Variants in SLC6A15 observed in about 807,000 individuals in gnomAD.
SLC6A15 encodes sodium-dependent neutral amino acid transporter B(0)AT2.
Under a neutral mutation model 68.5 loss-of-function variants are expected in SLC6A15, and 33 were observed. The observed-to-expected ratio is 0.48, with a 90% CI of 0.37 to 0.64. SLC6A15 has a LOEUF of 0.64. SLC6A15 is among the 30% of genes least tolerant of loss of function. The pLI, the probability that SLC6A15 is intolerant of heterozygous loss-of-function variation, is 0.00. For synonymous variants in SLC6A15, 347 were observed against 301.0 expected (o/e 1.15, Z -1.58); for missense variants, 747 against 874.3 (o/e 0.85, Z 1.84).
chr12:84,876,926 C>T (rs1171851844), intron 5 of SLC6A15, among the ~76,000 whole-genome samples: 1 of 152,132 alleles, frequency 6.6e-6, no homozygotes, highest in Non-Finnish European at 1.5e-5. Context: ...TGAACAGGCA[C>T]TAACTACCTA....
intron 8 of SLC6A15, among the ~76,000 whole-genome samples, chr12:84,871,571 T>C (rs956179935): frequency 2.6e-5 from 4 of 151,874 alleles, no homozygotes; most frequent in South Asian, 2.1e-4. Context: ...TAAAGACAGA[T>C]GAGAATTAAA....
intron 1 of SLC6A15, among the ~76,000 whole-genome samples, chr12:84,909,561 T>C (rs999541491): frequency 2.0e-5 from 3 of 152,206 alleles, no homozygotes; most frequent in Non-Finnish European, 2.9e-5. Context: ...CTATGTAACC[T>C]TGAATGTTGT....
intron 5 of SLC6A15, among the ~76,000 whole-genome samples, chr12:84,877,575 C>A (rs1382471472): frequency 6.6e-6 from 1 of 152,152 alleles, no homozygotes; most frequent in Admixed American, 6.5e-5. Flanking sequence ...CCAAGCTCAG[C>A]CAGCCTTAAG....
At chr12:84,880,830 C>A (rs541746863) in intron 5 of SLC6A15, 2 of 823,142 alleles carry the variant, frequency 2.4e-6, no homozygotes, top group South Asian at 5.6e-5. Context: ...TTTAAAAAAT[C>A]GAAAACAAAA....
At position 84,863,510 on chromosome 12, in the gene SLC6A15, A is replaced by T. The variant is rs1363481463; in HGVS notation, c.1747T>A (p.Ser583Thr). ...WKYISPLMLL[S>T]LLIASVVNMG... The stretch of plus-strand genomic sequence containing the variant: ...TTCACAACACTAGCTATTAGCAATG[A>T]TAATAGCATTAGAGGAGAAATATAT... The change falls in exon 11 of 12, where the codon TCA becomes ACA. Residue 583 changes from serine to threonine, a missense_variant. Coordinates refer to ENST00000266682, the MANE Select transcript of SLC6A15 (RefSeq NM_182767.6). 6.3e-7 allele frequency: 1 copy of T among 1,588,166 alleles called. No individual in the cohort carries two copies. Among genetic ancestry groups the T allele is most frequent in the Admixed American group, 1.8e-5 (1 of 56,248 alleles).
At chr12:84,910,486 G>GA (rs891106294) in intron 1 of SLC6A15, among the ~76,000 whole-genome samples, 1 of 152,074 alleles carries the variant, frequency 6.6e-6, no homozygotes, top group East Asian at 1.9e-4. Context: ...TAATATGAGA[G>GA]AAAAAAATAC....
At chr12:84,867,246 T>C (rs1028733200) in intron 9 of SLC6A15, 53 bp from the exon 10 acceptor site, 2 of 1,376,838 alleles carry the variant, frequency 1.5e-6, no homozygotes, top group Non-Finnish European at 1.9e-6. Flanking sequence ...GACAAGGCCT[T>C]TAAACTTTAT....
At position 84,881,395 on chromosome 12, in the gene SLC6A15, G is replaced by A. The variant is rs1307182107; in HGVS notation, c.756+2464C>T. On this transcript the variant is annotated intron_variant, in intron 5 of 11. Coordinates refer to ENST00000266682, the MANE Select transcript of SLC6A15 (RefSeq NM_182767.6). Reference sequence around the variant, plus strand: ...GTTTTGCTCTCTATGGCCACACAAAGCAGCCCTATTCTTCTTTTGGTTTAA... The same window carrying A: ...GTTTTGCTCTCTATGGCCACACAAAACAGCCCTATTCTTCTTTTGGTTTAA... 1.1e-5 allele frequency: 10 copies of A among 949,986 alleles called. No homozygotes were observed. In the African/African-American group the frequency reaches 1.6e-4, roughly 15 times the overall value. 58.8% of individuals were successfully genotyped at this position (949,986 alleles called of 1,614,324 possible).
At chr12:84,886,487 T>A (rs992793593) in intron 2 of SLC6A15, among the ~76,000 whole-genome samples, 3 of 151,764 alleles carry the variant, frequency 2.0e-5, no homozygotes, top group African/African-American at 7.3e-5. Flanking sequence ...GCATTCTAAA[T>A]CAGAAAAATT....
rs1337920641 is a variant in SLC6A15, at chr12:84,892,169, G to A, written c.-49C>T. ...AAAAAAAAAAAAAAACTCCCTTATG[G>A]CAAATGTGTTAACTCTATTTTTCAA... On this transcript the variant is annotated 5_prime_UTR_variant, in exon 2 of 12. Transcript: ENST00000266682. 4.9e-6 allele frequency: 7 copies of A among 1,417,816 alleles called. No homozygotes were observed. The highest frequency in any genetic ancestry group is 6.7e-6 in the Non-Finnish European group (7 of 1,043,466). The allele number at this position is 1,417,816 out of a possible 1,614,324, so 87.8% of individuals were successfully genotyped here.
At chr12:84,871,533 T>C (rs1465734268) in intron 8 of SLC6A15, among the ~76,000 whole-genome samples, 4 of 151,954 alleles carry the variant, frequency 2.6e-5, no homozygotes, top group Non-Finnish European at 5.9e-5. Flanking sequence ...ACTGTACCTA[T>C]AACCAAACTT....
At chr12:84,911,364 G>C (rs529690487) in intron 1 of SLC6A15, among the ~76,000 whole-genome samples, 3 of 152,258 alleles carry the variant, frequency 2.0e-5, no homozygotes, top group East Asian at 1.9e-4. Flanking sequence ...AGGGGAAAAC[G>C]GCAAGACCAG....
intron 11 of SLC6A15, 90 bp from the exon 12 acceptor site, chr12:84,862,096 G>A (rs1007253684): frequency 1.5e-6 from 2 of 1,335,666 alleles, no homozygotes; most frequent in African/African-American, 3.0e-5. Flanking sequence ...TGTAAGCAAA[G>A]AATCTGGGCT....
rs201450554 is a variant in SLC6A15, at chr12:84,861,887, A to G, written c.1938T>C (p.Asp646=). ...CAGATGCTAAATTACCAGAACTATC[A>G]TCTATAAGGTTGAAGCGACGAACAA... ...VFIVRRFNLI[D]DSSGNLASVT... The change falls in exon 12 of 12, where the codon GAT becomes GAC. Residue 646 remains aspartate (D), a synonymous_variant. Coordinates refer to ENST00000266682, the MANE Select transcript of SLC6A15 (RefSeq NM_182767.6). 7 of 1,614,004 alleles carry G rather than the reference A, an allele frequency of 4.3e-6. No individual in the cohort carries two copies. Among genetic ancestry groups the G allele is most frequent in the Admixed American group, 3.3e-5 (2 of 60,002 alleles).
chr12:84,897,135 G>A (rs531363987), intron 1 of SLC6A15, among the ~76,000 whole-genome samples: 1 of 152,260 alleles, frequency 6.6e-6, no homozygotes, highest in South Asian at 2.1e-4. Context: ...AGAGTTTGCA[G>A]GCAGCGGTTG....
chr12:84,893,653 T>C (rs1215741957), intron 1 of SLC6A15, among the ~76,000 whole-genome samples: 1 of 152,186 alleles, frequency 6.6e-6, no homozygotes, highest in African/African-American at 2.4e-5. Context: ...TGCTATTAGA[T>C]TGACATTAAA....
intron 1 of SLC6A15, among the ~76,000 whole-genome samples, chr12:84,904,250 A>AGAGAGAGAGAGAGAGAGAGAGAG (rs58378838): frequency 1.7e-4 from 25 of 149,370 alleles, no homozygotes; most frequent in African/African-American, 6.0e-4. Flanking sequence ...AGAGAGAGAG[A>AGAGAGAGAGAGAGAGAGAGAGAG]AATAGTCTCA....
At chr12:84,877,208 G>A (rs61929973) in intron 5 of SLC6A15, among the ~76,000 whole-genome samples, 1 of 152,100 alleles carries the variant, frequency 6.6e-6, no homozygotes, top group Non-Finnish European at 1.5e-5. Context: ...TCCTCTGGAG[G>A]CCTAATAGGT....
intron 1 of SLC6A15, among the ~76,000 whole-genome samples, chr12:84,899,106 T>G (rs1201835010): frequency 6.6e-6 from 1 of 152,162 alleles, no homozygotes; most frequent in East Asian, 1.9e-4. Context: ...TGCAACTTGT[T>G]CATATTGTAG....
Sources: gnomAD v4.1 joint callset for allele counts (sites outside exome capture counted in the v4.1 genomes callset) on GRCh38, gnomAD v4.1.1 for gene constraint, MANE v1.5 for transcripts, NCBI Gene and HGNC (gene_info 2026-07-23, HGNC 2026-07-21) for gene names.